GALNT2: variants seen among roughly 807,000 people sequenced by gnomAD.
The protein encoded by GALNT2 is UDP-GalNAc:polypeptide N-acetylgalactosaminyltransferase 2.
A neutral mutation model predicts 81.4 loss-of-function variants in GALNT2; 31 were observed. That is an observed-to-expected ratio of 0.38 (90% confidence interval 0.29 to 0.51). The LOEUF is 0.51. Among genes scored for constraint, GALNT2 ranks in the 20% least tolerant of loss-of-function variants. The probability of loss-of-function intolerance (pLI) is 0.87; values close to 1 mark genes in which losing one functional copy is unlikely to be tolerated. For synonymous variants in GALNT2, 303 were observed against 287.4 expected, an observed-to-expected ratio of 1.05 and a Z score of -0.55; for missense variants, 629 against 765.7, an observed-to-expected ratio of 0.82 and a Z score of 2.11.
chr1:230,185,586 C>T (rs1663308210), intron 2 of GALNT2, among the ~76,000 whole-genome samples: 1 of 152,142 alleles, frequency 6.6e-6, no homozygotes, highest in South Asian at 2.1e-4. Context: ...TTTCCTGTTC[C>T]TCAGATTGGA....
intron 14 of GALNT2, among the ~76,000 whole-genome samples, chr1:230,267,548 G>C (rs1053291047): frequency 1.3e-5 from 2 of 152,230 alleles, no homozygotes; most frequent in Non-Finnish European, 2.9e-5. Flanking sequence ...CAGGCTTCAG[G>C]TGTGGGTGCA....
chr1:230,196,334 C>T (rs1001400782), intron 2 of GALNT2, among the ~76,000 whole-genome samples: 2 of 152,166 alleles, frequency 1.3e-5, no homozygotes, highest in African/African-American at 4.8e-5. Flanking sequence ...ATGGAGCTAT[C>T]CCATCTCCTC....
chr1:230,214,390 G>GT (rs1354987675), intron 3 of GALNT2, among the ~76,000 whole-genome samples: 1 of 152,202 alleles, frequency 6.6e-6, no homozygotes, highest in African/African-American at 2.4e-5. Flanking sequence ...GGGATTACAG[G>GT]TGTGAGCCAC....
chr1:230,120,209 T>C (rs1312290483), intron 1 of GALNT2, among the ~76,000 whole-genome samples: 1 of 152,136 alleles, frequency 6.6e-6, no homozygotes, highest in Non-Finnish European at 1.5e-5. Context: ...CACCTGGGAT[T>C]CTCCAGGCCT....
chr1:230,168,780 GT>G (rs1246051328), intron 1 of GALNT2, among the ~76,000 whole-genome samples: 4 of 152,252 alleles, frequency 2.6e-5, no homozygotes, highest in Non-Finnish European at 4.4e-5. Flanking sequence ...AAGTTTCCCT[GT>G]TATTAAAATC....
intron 1 of GALNT2, among the ~76,000 whole-genome samples, chr1:230,172,831 T>G (rs915245775): frequency 6.6e-6 from 1 of 152,236 alleles, no homozygotes; most frequent in Non-Finnish European, 1.5e-5. Context: ...ACTCACCTAT[T>G]GGGTTTACTG....
intron 2 of GALNT2, among the ~76,000 whole-genome samples, chr1:230,197,428 C>T (rs1663732872): frequency 6.6e-6 from 1 of 152,124 alleles, no homozygotes; most frequent in South Asian, 2.1e-4. Flanking sequence ...TCCTGCTCGC[C>T]CCCCCGGGGT....
intron 1 of GALNT2, among the ~76,000 whole-genome samples, chr1:230,096,262 C>A (rs1196320621): frequency 1.3e-5 from 2 of 152,204 alleles, no homozygotes; most frequent in Non-Finnish European, 2.9e-5. Context: ...AGTTACTGAA[C>A]CAAAGATATT....
chr1:230,227,388 T>G (rs973716551), intron 3 of GALNT2, among the ~76,000 whole-genome samples: 1 of 151,542 alleles, frequency 6.6e-6, no homozygotes, highest in Non-Finnish European at 1.5e-5. Context: ...TTTATGGTTA[T>G]AGACTCAGAA....
At position 230,246,252 on chromosome 1, in the gene GALNT2, C is replaced by G. The variant is rs1014638193; in HGVS notation, c.817+102C>G. The G allele has an allele frequency of 1.2e-5, 11 of 916,114 alleles. No homozygotes were observed. The African/African-American group carries it at 1.3e-4, about 11-fold the overall frequency. The allele number at this position is 916,114 out of a possible 1,614,324, so 56.7% of individuals were successfully genotyped here. A position where few individuals can be genotyped will look rare whatever the true frequency, so the allele number is the denominator to read the frequency against. ...CAGGAGTGACAGTGACAACAGTGTTCACGCCGTAGTGTGTGTTCTGAGTAA... is the reference window on the plus strand; with the variant it reads ...CAGGAGTGACAGTGACAACAGTGTTGACGCCGTAGTGTGTGTTCTGAGTAA... On this transcript the variant is annotated intron_variant, in intron 8 of 15. Transcript: ENST00000366672.
chr1:230,265,260 A>G lies in GALNT2; in HGVS notation c.1333A>G (p.Ile445Val), dbSNP rs201830158. The G allele has an allele frequency of 2.8e-4, 449 of 1,614,216 alleles. No individual in the cohort carries two copies. The highest frequency in any genetic ancestry group is 3.4e-4 in the Non-Finnish European group (397 of 1,180,038). Residue 445 changes from isoleucine (I) to valine (V), a missense_variant, in exon 14 of 16, where the codon ATA becomes GTA. Ile to Val is a conservative substitution (Grantham distance 29). This residue lies in a region of GALNT2 where 207 missense variants were observed against 225.5 expected (regional missense o/e 0.92). Coordinates refer to ENST00000366672, the MANE Select transcript of GALNT2 (RefSeq NM_004481.5). ...TTTCAGGGTTCCAGACCATCAGGAT[A>G]TAGCTTTTGGGGCCTTGCAGCAGGG... ...PELRVPDHQD[I>V]AFGALQQGTN...
intron 2 of GALNT2, 66 bp downstream of exon 2, chr1:230,178,377 T>A: frequency 8.2e-7 from 1 of 1,222,700 alleles, no homozygotes. Flanking sequence ...TGAGCATGGC[T>A]CTTGGAGCAG....
Position 230,192,794 on chromosome 1 carries a change from G to T in GALNT2, c.221-10343G>T, listed in dbSNP as rs112217368. Reference sequence around the variant, plus strand: ...TTTTATCACTTCTTTGGATTTCCTGGTTTTTTTGTCCTTAATCATGGATGT... The same window carrying T: ...TTTTATCACTTCTTTGGATTTCCTGTTTTTTTTGTCCTTAATCATGGATGT... On this transcript the variant is annotated intron_variant, in intron 2 of 15. Transcript: ENST00000366672. Among the ~76,000 whole-genome samples, 29 of 152,054 alleles carry T rather than the reference G, an allele frequency of 1.9e-4. No homozygotes were observed. The South Asian group carries it at 3.3e-3, about 17-fold the overall frequency.
rs1479803635 is a variant in GALNT2 at position 230,275,995 on chromosome 1, GCCACA to G, written c.1560+1432_1560+1436del. Among the ~76,000 whole-genome samples, 585 of 64,226 alleles carry G rather than the reference GCCACA, an allele frequency of 9.1e-3. 41 individuals are homozygous for G. The highest frequency in any genetic ancestry group is 0.061 in the African/African-American group (569 of 9,348). The allele number at this position is 64,226 out of a possible 152,430, so 42.1% of individuals were successfully genotyped here. On this transcript the variant is annotated intron_variant, in intron 15 of 15. Transcript: ENST00000366672. The surrounding 1 kb of genome is among the most constrained non-coding windows in gnomAD (Gnocchi z 5.5). ...CACATATATATACGTATATATACAT[GCCACA>G]TATATATACGTATATATACATGCCA... is the stretch of plus-strand genomic sequence containing the variant.
chr1:230,206,060 C>T (rs1198618244), intron 3 of GALNT2, among the ~76,000 whole-genome samples: 1 of 152,100 alleles, frequency 6.6e-6, no homozygotes. Context: ...CAGTCGACTG[C>T]TTGGCATGAC....
Position 230,275,582 on chromosome 1 carries a change from T to G in GALNT2, c.1560+1018T>G, listed in dbSNP as rs1052318134. ...CATATATATACATATAAACACACCATATATATACATATAGATACATGCTAC... is the reference window on the plus strand; with the variant it reads ...CATATATATACATATAAACACACCAGATATATACATATAGATACATGCTAC... On this transcript the variant is annotated intron_variant, in intron 15 of 15. Transcript: ENST00000366672. The surrounding 1 kb of genome is among the most constrained non-coding windows in gnomAD (Gnocchi z 5.5). 2.0e-5 allele frequency among the ~76,000 whole-genome samples: 3 copies of G among 150,808 alleles called. No homozygotes were observed. Among genetic ancestry groups the G allele is most frequent in the Non-Finnish European group, 1.5e-5 (1 of 67,676 alleles).
chr1:230,091,173 A>G (rs181207001), intron 1 of GALNT2, among the ~76,000 whole-genome samples: 26 of 151,170 alleles, frequency 1.7e-4, no homozygotes, highest in East Asian at 7.8e-4. Flanking sequence ...GGTTCAATCT[A>G]TTCTCCTGCC....
At chr1:230,083,972 C>T (rs1229425521) in intron 1 of GALNT2, among the ~76,000 whole-genome samples, 2 of 152,218 alleles carry the variant, frequency 1.3e-5, no homozygotes, top group South Asian at 2.1e-4. Flanking sequence ...GAGCTCATCT[C>T]CATCAGCACC....
chr1:230,201,250 G>A lies in GALNT2; in HGVS notation c.221-1887G>A, dbSNP rs376633344. Among the ~76,000 whole-genome samples the A allele has an allele frequency of 4.6e-5, 7 of 152,270 alleles. No individual in the cohort carries two copies. The South Asian group carries it at 6.2e-4, about 14-fold the overall frequency. On this transcript the variant is annotated intron_variant, in intron 2 of 15. Coordinates refer to ENST00000366672, the MANE Select transcript of GALNT2 (RefSeq NM_004481.5). ...CCACAGGCAGCTGTTTATTGGGGCCGTGGTATCATCGCTGTAGCCAGGCTC... is the reference window on the plus strand; with the variant it reads ...CCACAGGCAGCTGTTTATTGGGGCCATGGTATCATCGCTGTAGCCAGGCTC...
Sources: allele counts gnomAD v4.1 joint callset (sites outside exome capture counted in the v4.1 genomes callset), GRCh38; gene constraint gnomAD v4.1.1; regional missense constraint gnomAD v4.1.1; non-coding constraint Gnocchi (gnomAD v3.1); transcripts MANE v1.5; gene names NCBI Gene and HGNC (gene_info 2026-07-23, HGNC 2026-07-21).